ARHGAP6: variants seen among roughly 807,000 people sequenced by gnomAD.
ARHGAP6 encodes rho GTPase-activating protein 6.
In ARHGAP6, 16 loss-of-function variants were observed where a neutral mutation model predicts 55.7. The ratio of observed to expected loss-of-function variants is 0.29; its 90% confidence interval spans 0.19 to 0.44. The LOEUF is 0.44. Ranked by LOEUF, ARHGAP6 falls within the 20% of genes least tolerant of loss-of-function variation. The probability of loss-of-function intolerance (pLI) is 1.00; values close to 1 mark genes in which losing one functional copy is unlikely to be tolerated. For missense variants in ARHGAP6, 698 were observed against 808.9 expected, an observed-to-expected ratio of 0.86 and a Z score of 1.66; for synonymous variants, 382 against 360.9, an observed-to-expected ratio of 1.06 and a Z score of -0.66.
chrX:11,308,374 AT>A (rs1252111154), intron 1 of ARHGAP6, among the ~76,000 whole-genome samples: 5 of 112,109 alleles, frequency 4.5e-5, no homozygotes, highest in Non-Finnish European at 7.5e-5. Flanking sequence ...ATTAAAAAAA[AT>A]AAAATTTGCA....
Position 11,490,725 on chromosome X carries a change from C to A in ARHGAP6, c.588+173516G>T, listed in dbSNP as rs1435314315. Reference sequence around the variant, plus strand: ...GGCTATTCACAGTTTTTGGAAATCCCAAGCCTAGAAATGCCTCAATTATTA... The same window carrying A: ...GGCTATTCACAGTTTTTGGAAATCCAAAGCCTAGAAATGCCTCAATTATTA... On this transcript the variant is annotated intron_variant, in intron 1 of 12. Coordinates refer to ENST00000337414, the MANE Select transcript of ARHGAP6 (RefSeq NM_013427.3). Among the ~76,000 whole-genome samples the A allele has an allele frequency of 7.1e-5, 8 of 111,921 alleles. No individual in the cohort carries two copies. The Admixed American group carries it at 7.6e-4, about 11-fold the overall frequency.
chrX:11,243,655 A>G (rs1243762647), intron 2 of ARHGAP6, among the ~76,000 whole-genome samples: 1 of 112,442 alleles, frequency 8.9e-6, no homozygotes, highest in Non-Finnish European at 1.9e-5. Context: ...TTGGTCACAT[A>G]TGCAGTCATG....
chrX:11,298,276 C>A, intron 1 of ARHGAP6: 2 of 1,209,361 alleles, frequency 1.7e-6, no homozygotes, highest in Non-Finnish European at 2.2e-6. Context: ...ATAAGGCCAC[C>A]GGTATGTAGA....
chrX:11,385,769 T>C (rs1466813619), intron 1 of ARHGAP6, among the ~76,000 whole-genome samples: 1 of 112,157 alleles, frequency 8.9e-6, no homozygotes, highest in African/African-American at 3.2e-5. Context: ...CACTAGCTGG[T>C]ATTTAAGGGA....
At position 11,624,212 on chromosome X, in the gene ARHGAP6, C is replaced by CA. The variant is rs759706946; in HGVS notation, c.588+40028dup. On this transcript the variant is annotated intron_variant, in intron 1 of 12. Coordinates refer to ENST00000337414, the MANE Select transcript of ARHGAP6 (RefSeq NM_013427.3). ...CTAGACCCCTATCTCTCATCATATG[C>CA]AAAAATAAAATCAAAATGAATTAAA... Among the ~76,000 whole-genome samples the CA allele has an allele frequency of 4.0e-3, 446 of 112,233 alleles. 1 individual carries two copies. The highest frequency in any genetic ancestry group is 6.5e-3 in the Non-Finnish European group (346 of 53,265).
chrX:11,369,617 T>C (rs1161416648), intron 1 of ARHGAP6, among the ~76,000 whole-genome samples: 3 of 111,737 alleles, frequency 2.7e-5, no homozygotes, highest in Admixed American at 1.9e-4. Flanking sequence ...ATAACAATTA[T>C]CTCAGAGGAA....
At chrX:11,505,146 G>A (rs938901910) in intron 1 of ARHGAP6, among the ~76,000 whole-genome samples, 3 of 110,261 alleles carry the variant, frequency 2.7e-5, no homozygotes, top group Non-Finnish European at 5.7e-5. Flanking sequence ...AGTGCATTAC[G>A]CTTTCACCTA....
chrX:11,158,189 A>G, intron 9 of ARHGAP6, among the ~76,000 whole-genome samples: 1 of 111,885 alleles, frequency 8.9e-6, no homozygotes, highest in East Asian at 2.8e-4. Flanking sequence ...GTCAAAGTCT[A>G]TTGAGCATTC....
At chrX:11,426,999 G>C (rs1330312858) in intron 1 of ARHGAP6, among the ~76,000 whole-genome samples, 1 of 109,981 alleles carries the variant, frequency 9.1e-6, no homozygotes, top group Non-Finnish European at 1.9e-5. Flanking sequence ...TCTTGTATTA[G>C]CGTGCAACAT....
At chrX:11,440,006 A>G (rs2050024631) in intron 1 of ARHGAP6, among the ~76,000 whole-genome samples, 1 of 112,735 alleles carries the variant, frequency 8.9e-6, no homozygotes, top group Non-Finnish European at 1.9e-5. Flanking sequence ...CTACATTTGG[A>G]CACATGCTTG....
At chrX:11,514,590 A>G (rs2050817986) in intron 1 of ARHGAP6, among the ~76,000 whole-genome samples, 1 of 110,248 alleles carries the variant, frequency 9.1e-6, no homozygotes, top group African/African-American at 3.3e-5. Context: ...AATTGCCTCC[A>G]TTTGAGACCC....
At chrX:11,307,629 G>C (rs924545806) in intron 1 of ARHGAP6, among the ~76,000 whole-genome samples, 4 of 112,558 alleles carry the variant, frequency 3.6e-5, no homozygotes, top group Non-Finnish European at 5.6e-5. Context: ...CTGGAAGTAG[G>C]TACAACAGAG....
chrX:11,625,978 G>GA (rs1199617711), intron 1 of ARHGAP6, among the ~76,000 whole-genome samples: 2 of 111,175 alleles, frequency 1.8e-5, no homozygotes, highest in Admixed American at 9.6e-5. Context: ...AAAATACCAT[G>GA]AAAAAACAGA....
chrX:11,591,146 C>T (rs942168702), intron 1 of ARHGAP6, among the ~76,000 whole-genome samples: 45 of 103,458 alleles, frequency 4.3e-4, no homozygotes, highest in Middle Eastern at 5.4e-3. Flanking sequence ...GAGCCGAGAT[C>T]GCACCACTGC....
chrX:11,174,518 T>TTCCTTCCTTCCTTCCTTCC, intron 8 of ARHGAP6, among the ~76,000 whole-genome samples: 1 of 69,548 alleles, frequency 1.4e-5, no homozygotes, highest in East Asian at 5.3e-4. Flanking sequence ...TCTTTCTTTC[T>TTCCTTCCTTCCTTCCTTCC]TTCCTTCCTT....
chrX:11,572,615 A>T (rs1361809940), intron 1 of ARHGAP6, among the ~76,000 whole-genome samples: 6 of 111,396 alleles, frequency 5.4e-5, no homozygotes, highest in East Asian at 2.8e-4. Flanking sequence ...TGGTTCCAAG[A>T]CTTTGCTATT....
At chrX:11,457,658 C>T (rs2050206043) in intron 1 of ARHGAP6, among the ~76,000 whole-genome samples, 1 of 111,487 alleles carries the variant, frequency 9.0e-6, no homozygotes, top group South Asian at 3.9e-4. Flanking sequence ...TGCTCCAGGG[C>T]GATCTCCGGC....
At chrX:11,288,406 G>A (rs766123986) in intron 1 of ARHGAP6, among the ~76,000 whole-genome samples, 22 of 112,133 alleles carry the variant, frequency 2.0e-4, no homozygotes, top group Non-Finnish European at 3.4e-4. Context: ...ACCGTGTTTA[G>A]CCTTTTAATC....
At chrX:11,551,753 G>A (rs1408859796) in intron 1 of ARHGAP6, among the ~76,000 whole-genome samples, 1 of 111,979 alleles carries the variant, frequency 8.9e-6, no homozygotes, top group Non-Finnish European at 1.9e-5. Context: ...GCCATGTGAA[G>A]ATGAAGGTAG....
Sources: gnomAD v4.1 joint callset for allele counts (sites outside exome capture counted in the v4.1 genomes callset) on GRCh38, gnomAD v4.1.1 for gene constraint, MANE v1.5 for transcripts, NCBI Gene and HGNC (gene_info 2026-07-23, HGNC 2026-07-21) for gene names.